Variants in SI observed in about 807,000 individuals in gnomAD.
SI encodes the protein sucrase-isomaltase, intestinal.
SI carries 235 observed loss-of-function variants against 253.3 expected under a neutral mutation model. The observed-to-expected ratio is 0.93, with a 90% CI of 0.83 to 1.03. The LOEUF is 1.03. SI is among the 50% of genes least tolerant of loss of function. The probability of loss-of-function intolerance (pLI) is 0.00; values close to 1 mark genes in which losing one functional copy is unlikely to be tolerated. For missense variants in SI, 2,442 were observed against 2,211.1 expected, an observed-to-expected ratio of 1.10 and a Z score of -2.09; for synonymous variants, 819 against 712.0, an observed-to-expected ratio of 1.15 and a Z score of -2.39.
rs910756572 is a variant in SI, at chr3:165,023,851, G to A, written c.2893-75C>T. The A allele has an allele frequency of 1.6e-5, 16 of 975,392 alleles. 1 individual carries two copies. The highest frequency in any genetic ancestry group is 4.0e-5 in the South Asian group (3 of 74,664). 60.4% of individuals were successfully genotyped at this position (975,392 alleles called of 1,614,324 possible). ...TTTTACTCTTTAAAATTATACTGAC[G>A]TTTAGTCACACATTGTATGATTTAC... On this transcript the variant is annotated intron_variant, in intron 25 of 47. Coordinates refer to ENST00000264382, the MANE Select transcript of SI (RefSeq NM_001041.4).
intron 34 of SI, among the ~76,000 whole-genome samples, chr3:165,009,747 A>C (rs1718686333): frequency 6.6e-6 from 1 of 152,174 alleles, no homozygotes; most frequent in Non-Finnish European, 1.5e-5. Context: ...GAGCACAATG[A>C]AACAGCAAAG....
Position 165,071,652 on chromosome 3 carries a change from GT to G in SI, c.256-2458del, listed in dbSNP as rs746844374. 2.6e-5 allele frequency among the ~76,000 whole-genome samples: 4 copies of G among 152,150 alleles called. No individual in the cohort carries two copies. In the East Asian group the frequency reaches 5.8e-4, roughly 22 times the overall value. ...ATAGGTCCTTTAAGGGGTTAATTAA[GT>G]TTAAATAAGGATATAAGGGTGGGGC... On this transcript the variant is annotated intron_variant, in intron 3 of 47. Coordinates refer to ENST00000264382, the MANE Select transcript of SI (RefSeq NM_001041.4).
At chr3:165,039,599 G>T (rs1405858595) in intron 19 of SI, among the ~76,000 whole-genome samples, 4 of 150,896 alleles carry the variant, frequency 2.7e-5, no homozygotes, top group Non-Finnish European at 4.4e-5. Context: ...AGAACTCTTT[G>T]TTATTATGAA....
chr3:164,992,265 T>C, intron 42 of SI, 32 bp from the exon 43 acceptor site: 2 of 1,612,084 alleles, frequency 1.2e-6, no homozygotes, highest in African/African-American at 1.3e-5. Flanking sequence ...ATTAGTTGTA[T>C]ATAAACCAAA....
intron 25 of SI, among the ~76,000 whole-genome samples, 177 bp from the exon 26 acceptor site, chr3:165,023,953 A>G (rs1036292610): frequency 2.0e-5 from 3 of 151,526 alleles, no homozygotes; most frequent in African/African-American, 7.3e-5. Flanking sequence ...CCCATGTACT[A>G]AAATTTTATA....
chr3:165,000,498 T>C (rs1392467562), intron 37 of SI, among the ~76,000 whole-genome samples: 1 of 151,482 alleles, frequency 6.6e-6, no homozygotes, highest in Non-Finnish European at 1.5e-5. Context: ...TAATTAGCCT[T>C]ATTTGATCAT....
At chr3:165,076,953 A>G (rs1576930315) in intron 1 of SI, among the ~76,000 whole-genome samples, 1 of 149,044 alleles carries the variant, frequency 6.7e-6, no homozygotes, top group Middle Eastern at 3.5e-3. Context: ...GCTTTAATAA[A>G]TTATTGGGTT....
At chr3:165,035,744 C>T (rs780013227) in intron 22 of SI, among the ~76,000 whole-genome samples, 1 of 151,084 alleles carries the variant, frequency 6.6e-6, no homozygotes, top group Non-Finnish European at 1.5e-5. Flanking sequence ...TTAGAAGAAA[C>T]GAGATTTTTC....
intron 24 of SI, 81 bp from the exon 25 acceptor site, chr3:165,030,948 T>A: frequency 6.9e-7 from 1 of 1,454,802 alleles, no homozygotes; most frequent in Non-Finnish European, 9.1e-7. Context: ...TATCTGATCA[T>A]TGGATGATTT....
At chr3:165,008,871 C>G (rs1378995225) in intron 35 of SI, among the ~76,000 whole-genome samples, 1 of 151,718 alleles carries the variant, frequency 6.6e-6, no homozygotes, top group Non-Finnish European at 1.5e-5. Flanking sequence ...AATCTTACTA[C>G]TAACATTTTA....
At chr3:165,073,973 A>T (rs546055721) in intron 3 of SI, among the ~76,000 whole-genome samples, 108 of 152,136 alleles carry the variant, frequency 7.1e-4, no homozygotes, top group African/African-American at 2.4e-3. Context: ...ATATACACCC[A>T]CACACAATGA....
chr3:165,040,558 A>G (rs1712764920), intron 18 of SI, among the ~76,000 whole-genome samples: 1 of 152,036 alleles, frequency 6.6e-6, no homozygotes, highest in African/African-American at 2.4e-5. Context: ...CTGGTCAAAG[A>G]TACATGCAAA....
At chr3:164,988,273 G>C (rs7630478) in intron 44 of SI, among the ~76,000 whole-genome samples, 45 of 152,094 alleles carry the variant, frequency 3.0e-4, no homozygotes, top group African/African-American at 9.9e-4. Context: ...ACAGTAATTA[G>C]ATATTTTCCA....
intron 6 of SI, 146 bp downstream of exon 6, chr3:165,067,194 T>C: frequency 1.7e-6 from 1 of 590,148 alleles, no homozygotes; most frequent in Non-Finnish European, 2.9e-6. Context: ...GAAACCAAAC[T>C]CCTTTATCAC....
chr3:165,031,382 A>G (rs774270115), intron 24 of SI, among the ~76,000 whole-genome samples: 66 of 148,034 alleles, frequency 4.5e-4, no homozygotes, highest in Non-Finnish European at 8.0e-4. Flanking sequence ...TTATAAGCAT[A>G]AAAGTGGACA....
the SI span, among the ~76,000 whole-genome samples, chr3:165,088,480 TA>T: frequency 6.6e-6 from 1 of 151,710 alleles, no homozygotes; most frequent in Admixed American, 6.6e-5. Flanking sequence ...CCGTCTCTAC[TA>T]AAAACACAAA....
chr3:165,076,079 C>T lies in SI; in HGVS notation c.1-67G>A. The T allele has an allele frequency of 2.6e-6, 3 of 1,138,688 alleles. No homozygotes were observed. The South Asian group carries it at 5.0e-5, about 19-fold the overall frequency. The allele number at this position is 1,138,688 out of a possible 1,614,324, so 70.5% of individuals were successfully genotyped here. A position where few individuals can be genotyped will look rare whatever the true frequency, so the allele number is the denominator to read the frequency against. ...TAACTATAATAAACCACCAACAATT[C>T]TCATGAAATTACATATTCTTTTTTT... On this transcript the variant is annotated intron_variant, in intron 1 of 47. Transcript: ENST00000264382.
At chr3:165,075,330 C>T (rs929494104) in intron 2 of SI, among the ~76,000 whole-genome samples, 1 of 151,888 alleles carries the variant, frequency 6.6e-6, no homozygotes, top group African/African-American at 2.4e-5. Context: ...CTGATTTGCT[C>T]AAGAGAGAAT....
At chr3:164,989,373 G>GAAGAAAGGAAGA (rs1717601010) in intron 44 of SI, among the ~76,000 whole-genome samples, 1 of 120,612 alleles carries the variant, frequency 8.3e-6, no homozygotes, top group East Asian at 2.4e-4. Context: ...AGAAAGAAAG[G>GAAGAAAGGAAGA]AAGAAAGAAA....
Sources: gnomAD v4.1 joint callset for allele counts (sites outside exome capture counted in the v4.1 genomes callset) on GRCh38, gnomAD v4.1.1 for gene constraint, MANE v1.5 for transcripts, NCBI Gene and HGNC (gene_info 2026-07-23, HGNC 2026-07-21) for gene names.